The following PPP3CC variants were observed in gnomAD, a reference collection of about 807,000 sequenced individuals.
PPP3CC encodes the protein serine/threonine-protein phosphatase 2B catalytic subunit gamma isoform.
Under a neutral mutation model 60.3 loss-of-function variants are expected in PPP3CC, and 35 were observed. The ratio of observed to expected loss-of-function variants is 0.58; its 90% CI spans 0.44 to 0.77. PPP3CC has a LOEUF of 0.77. PPP3CC is among the 30% of genes least tolerant of loss of function. PPP3CC has a pLI of 0.00. For missense variants in PPP3CC, 570 were observed against 628.9 expected, an observed-to-expected ratio of 0.91 and a Z score of 1.00; for synonymous variants, 206 against 224.3, an observed-to-expected ratio of 0.92 and a Z score of 0.73.
At chr8:22,457,071 CTCCTTCCCTCCCTCCT>C (rs1837223985) in intron 1 of PPP3CC, among the ~76,000 whole-genome samples, 1 of 130,230 alleles carries the variant, frequency 7.7e-6, no homozygotes, top group African/African-American at 2.9e-5. Flanking sequence ...CCCTCCCTCC[CTCCTTCCCTCCCTCCT>C]TCCTTCCCTC....
intron 1 of PPP3CC, among the ~76,000 whole-genome samples, chr8:22,458,184 A>C (rs964417003): frequency 6.6e-6 from 1 of 152,250 alleles, no homozygotes; most frequent in Non-Finnish European, 1.5e-5. Context: ...TAGGTACCAG[A>C]TAAACATTTA....
At chr8:22,496,715 T>C (rs1268205061) in intron 3 of PPP3CC, among the ~76,000 whole-genome samples, 1 of 151,862 alleles carries the variant, frequency 6.6e-6, no homozygotes, top group Non-Finnish European at 1.5e-5. Context: ...CAGGCTGGTC[T>C]CGAACTCCTG....
intron 3 of PPP3CC, among the ~76,000 whole-genome samples, chr8:22,483,317 C>T (rs573951410): frequency 4.9e-4 from 75 of 152,240 alleles, no homozygotes; most frequent in African/African-American, 1.7e-3. Context: ...CACGGAGTCT[C>T]GCTGTGTTGC....
chr8:22,448,371 C>T (rs1014007451), intron 1 of PPP3CC, among the ~76,000 whole-genome samples: 5 of 148,930 alleles, frequency 3.4e-5, no homozygotes, highest in Admixed American at 6.7e-5. Context: ...CGGTATTATA[C>T]CTTTTTTTTG....
In PPP3CC at chr8:22,474,998, T is replaced by G; in HGVS notation, c.94T>G (p.Phe32Val). 6.2e-7 allele frequency: 1 copy of G among 1,610,882 alleles called. No individual in the cohort carries two copies. Among genetic ancestry groups the G allele is most frequent in the Non-Finnish European group, 8.5e-7 (1 of 1,178,010 alleles). ...CCAACGGCTTACTTTCAAGGAAGTA[T>G]TTGAGAATGGGAAACCTAAAGTTGA... ...PTQRLTFKEV[F>V]ENGKPKVDVL... is the part of the protein sequence containing the mutation. Residue 32 changes from phenylalanine (F) to valine (V), a missense_variant, in exon 2 of 14, where the codon TTT (phenylalanine) becomes GTT (valine). Phe to Val is a conservative substitution (Grantham distance 50). Transcript: ENST00000240139.
chr8:22,519,892 G>A (rs1052716421), intron 6 of PPP3CC, among the ~76,000 whole-genome samples: 10 of 151,738 alleles, frequency 6.6e-5, no homozygotes, highest in Middle Eastern at 3.4e-3. Context: ...CTGGCCTCAA[G>A]TGATCTGCCT....
chr8:22,444,372 C>G (rs1006350655), intron 1 of PPP3CC, among the ~76,000 whole-genome samples: 1 of 152,052 alleles, frequency 6.6e-6, no homozygotes, highest in African/African-American at 2.4e-5. Flanking sequence ...TAAGGTAGTA[C>G]TTTGAGACAT....
chr8:22,457,779 G>A (rs1481148266), intron 1 of PPP3CC, among the ~76,000 whole-genome samples: 4 of 152,198 alleles, frequency 2.6e-5, no homozygotes, highest in Non-Finnish European at 5.9e-5. Context: ...ATTCTTCAAG[G>A]TAGAATAAAT....
At chr8:22,498,877 C>T (rs939250083) in intron 4 of PPP3CC, among the ~76,000 whole-genome samples, 2 of 151,872 alleles carry the variant, frequency 1.3e-5, no homozygotes, top group African/African-American at 4.8e-5. Context: ...GCAATCCCAG[C>T]ACTTTGGGAG....
rs570486793 is a variant in PPP3CC, at chr8:22,484,167, CAATT to C, written c.372+8548_372+8551del. Among the ~76,000 whole-genome samples, 521 of 152,200 alleles carry C rather than the reference CAATT, an allele frequency of 3.4e-3. 4 individuals carry two copies. The highest frequency in any genetic ancestry group is 0.012 in the African/African-American group (490 of 41,522). On this transcript the variant is annotated intron_variant, in intron 3 of 13. Transcript: ENST00000240139. ...CAGCTTGTATCAACAATTTTAAAAA[CAATT>C]AATTTATCAAAGATTTACTTAAGTC...
intron 12 of PPP3CC, among the ~76,000 whole-genome samples, chr8:22,535,328 G>A (rs1839819255): frequency 6.6e-6 from 1 of 152,048 alleles, no homozygotes; most frequent in African/African-American, 2.4e-5. Context: ...AACATGCAAG[G>A]GGAAGAGACA....
rs148835928 is a variant in PPP3CC at position 22,527,798 on chromosome 8, G to C, written c.1069+281G>C. 5.8e-3 allele frequency among the ~76,000 whole-genome samples: 882 copies of C among 152,176 alleles called. 11 individuals carry two copies. Among genetic ancestry groups the C allele is most frequent in the African/African-American group, 0.02 (850 of 41,518 alleles). On this transcript the variant is annotated intron_variant, in intron 9 of 13. Transcript: ENST00000240139. ...TTATAGGCACGTGCCACTGCACCCG[G>C]CTAATTTTTGCATTTTAGTAGAGAC...
Position 22,527,459 on chromosome 8 carries a change from C to T in PPP3CC, c.1011C>T (p.Tyr337=). Residue 337 remains tyrosine (Y), a synonymous_variant, in exon 9 of 14, where the codon TAC becomes TAT. Transcript: ENST00000240139. ...IRQFNCSPHP[Y]WLPNFMDVFT... is the part of the protein sequence containing the mutation. ...AGTTTAACTGTTCTCCACACCCCTA[C>T]TGGCTTCCAAACTTTATGGATGTTT... is the stretch of plus-strand genomic sequence containing the variant. 1 of 1,613,854 alleles carries T rather than the reference C, an allele frequency of 6.2e-7. No homozygotes were observed. The highest frequency in any genetic ancestry group is 2.2e-5 in the East Asian group (1 of 44,872).
chr8:22,477,531 C>T (rs1837929599), intron 3 of PPP3CC, among the ~76,000 whole-genome samples: 1 of 151,688 alleles, frequency 6.6e-6, no homozygotes, highest in African/African-American at 2.4e-5. Flanking sequence ...ACATTGAGTT[C>T]AGTTTATTTC....
intron 1 of PPP3CC, among the ~76,000 whole-genome samples, chr8:22,463,082 A>G (rs570283484): frequency 1.3e-4 from 20 of 152,330 alleles, no homozygotes; most frequent in African/African-American, 4.3e-4. Flanking sequence ...TGATAGTGCT[A>G]ACAGTAAGGA....
chr8:22,522,373 G>T (rs145444893), intron 6 of PPP3CC, 118 bp from the exon 7 acceptor site: 2 of 718,248 alleles, frequency 2.8e-6, no homozygotes, highest in Non-Finnish European at 4.6e-6. Context: ...TTTCAGTAGT[G>T]TGTAATACTT....
chr8:22,486,745 T>C (rs1445676317), intron 3 of PPP3CC, among the ~76,000 whole-genome samples: 1 of 151,456 alleles, frequency 6.6e-6, no homozygotes, highest in Non-Finnish European at 1.5e-5. Context: ...TTTTTTTTTT[T>C]TTGGGACGGA....
At chr8:22,503,685 A>G (rs1009689834) in intron 4 of PPP3CC, among the ~76,000 whole-genome samples, 9 of 152,152 alleles carry the variant, frequency 5.9e-5, no homozygotes, top group African/African-American at 2.2e-4. Context: ...GAAACATTTT[A>G]AGTATCTCCT....
At chr8:22,491,856 T>C (rs1211321994) in intron 3 of PPP3CC, among the ~76,000 whole-genome samples, 2 of 152,198 alleles carry the variant, frequency 1.3e-5, no homozygotes, top group Non-Finnish European at 2.9e-5. Flanking sequence ...TTTGTGATTT[T>C]CCCATATATT....
Sources: gnomAD v4.1 joint callset for allele counts (sites outside exome capture counted in the v4.1 genomes callset) on GRCh38, gnomAD v4.1.1 for gene constraint, MANE v1.5 for transcripts, NCBI Gene and HGNC (gene_info 2026-07-23, HGNC 2026-07-21) for gene names.